Variants in NAV2 observed in about 807,000 individuals in gnomAD.
The protein encoded by NAV2 is neuron navigator 2, also known as helicase, APC down-regulated 1.
Under a neutral mutation model 223.2 loss-of-function variants are expected in NAV2, and 54 were observed. The observed-to-expected ratio is 0.24, with a 90% CI of 0.19 to 0.30. The LOEUF is 0.30. NAV2 is among the 10% of genes least tolerant of loss of function. The pLI is 1.00. For missense variants in NAV2, 2,806 were observed against 3,147.5 expected (o/e 0.89, Z 2.60); for synonymous variants, 1,279 against 1,239.3 (o/e 1.03, Z -0.67).
At chr11:19,551,013 C>G (rs1305137119) in intron 1 of NAV2, among the ~76,000 whole-genome samples, 3 of 152,268 alleles carry the variant, frequency 2.0e-5, no homozygotes, top group Admixed American at 2.0e-4. Context: ...CTACTCTCAG[C>G]ACACTGCCTA....
At chr11:19,480,218 G>A (rs1265919318) in intron 1 of NAV2, among the ~76,000 whole-genome samples, 2 of 152,202 alleles carry the variant, frequency 1.3e-5, no homozygotes, top group South Asian at 2.1e-4. Context: ...CTGCTAATAT[G>A]TACTCTGAGA....
At position 20,120,503 on chromosome 11, in the gene NAV2, T is replaced by A. The variant is rs1468668480; in HGVS notation, c.*2245T>A. 6.5e-6 allele frequency: 1 copy of A among 152,674 alleles called. No homozygotes were observed. 9.5% of individuals were successfully genotyped at this position (152,674 alleles called of 1,614,324 possible). A position where few individuals can be genotyped will look rare whatever the true frequency, so the allele number is the denominator to read the frequency against. On this transcript the variant is annotated 3_prime_UTR_variant, in exon 38 of 38. Transcript: ENST00000349880. ...CAATGACCCTACTACACTCGCGTACTGTGAATTTGGGAGGAGGTAAAGTTG... is the reference window on the plus strand; with the variant it reads ...CAATGACCCTACTACACTCGCGTACAGTGAATTTGGGAGGAGGTAAAGTTG...
chr11:20,017,883 A>G (rs1471575230), intron 11 of NAV2, among the ~76,000 whole-genome samples: 1 of 152,202 alleles, frequency 6.6e-6, no homozygotes, highest in Non-Finnish European at 1.5e-5. Context: ...TGTCCCATAC[A>G]CACAGATCCT....
chr11:19,673,375 C>T (rs1406449166), intron 1 of NAV2, among the ~76,000 whole-genome samples: 2 of 152,166 alleles, frequency 1.3e-5, no homozygotes, highest in Non-Finnish European at 2.9e-5. Flanking sequence ...CTATTATTAT[C>T]ATCATTTGAC....
At chr11:19,628,836 C>T (rs528254913) in intron 1 of NAV2, among the ~76,000 whole-genome samples, 14 of 152,142 alleles carry the variant, frequency 9.2e-5, no homozygotes, top group Non-Finnish European at 1.9e-4. Context: ...CATTGATTAC[C>T]ATCATATCCA....
At chr11:19,925,213 C>G (rs552552023) in intron 6 of NAV2, among the ~76,000 whole-genome samples, 8 of 152,174 alleles carry the variant, frequency 5.3e-5, no homozygotes, top group African/African-American at 1.9e-4. Context: ...ATATTCCATC[C>G]GGTTCTGTAG....
At position 20,103,246 on chromosome 11, in the gene NAV2, C is replaced by G; in HGVS notation, c.6418-9C>G. ...ACTTGTTCTCCTTCGGCCTTCCTGG[C>G]CACCATAGGAATTGCGCCAGTACCT... On this transcript the variant is annotated splice_polypyrimidine_tract_variant and intron_variant, in intron 32 of 37. Transcript: ENST00000349880. The G allele has an allele frequency of 6.2e-7, 1 of 1,607,944 alleles. No individual in the cohort carries two copies. The highest frequency in any genetic ancestry group is 8.5e-7 in the Non-Finnish European group (1 of 1,176,556).
intron 4 of NAV2, among the ~76,000 whole-genome samples, chr11:19,879,373 T>TG (rs371711232): frequency 1.6e-3 from 246 of 152,230 alleles, no homozygotes; most frequent in African/African-American, 5.4e-3. Flanking sequence ...GTTCAGCAGA[T>TG]GGGGGACACA....
intron 1 of NAV2, among the ~76,000 whole-genome samples, chr11:19,507,903 A>G (rs2043170811): frequency 6.6e-6 from 1 of 152,170 alleles, no homozygotes; most frequent in South Asian, 2.1e-4. Context: ...AGTAAATGAC[A>G]ATGTCAGGAT....
At chr11:19,461,279 T>C (rs181702563) in intron 1 of NAV2, among the ~76,000 whole-genome samples, 1 of 152,262 alleles carries the variant, frequency 6.6e-6, no homozygotes, top group East Asian at 1.9e-4. Flanking sequence ...CCTGGTCCAT[T>C]GCCAACACTC....
At chr11:20,023,349 C>T (rs956175610) in intron 11 of NAV2, among the ~76,000 whole-genome samples, 3 of 152,088 alleles carry the variant, frequency 2.0e-5, no homozygotes, top group African/African-American at 7.2e-5. Flanking sequence ...CTTCCGCCCC[C>T]ATTGATTCTA....
At chr11:19,359,480 G>A (rs1249459267) in intron 1 of NAV2, among the ~76,000 whole-genome samples, 2 of 152,156 alleles carry the variant, frequency 1.3e-5, no homozygotes, top group Non-Finnish European at 2.9e-5. Context: ...TACCCAAAAG[G>A]GGATGTACTG....
chr11:20,027,400 G>C (rs1439047945), intron 11 of NAV2: 2 of 945,210 alleles, frequency 2.1e-6, no homozygotes, highest in Non-Finnish European at 2.5e-6. Flanking sequence ...CTGTCTGGCG[G>C]GGGGCATGGG....
intron 11 of NAV2, among the ~76,000 whole-genome samples, chr11:20,029,983 A>G (rs1359957361): frequency 6.6e-6 from 1 of 152,224 alleles, no homozygotes; most frequent in Non-Finnish European, 1.5e-5. Context: ...TAGATGTTTC[A>G]GCCAAAGAAG....
At chr11:19,438,725 T>C (rs1174783242) in intron 1 of NAV2, among the ~76,000 whole-genome samples, 2 of 152,170 alleles carry the variant, frequency 1.3e-5, no homozygotes, top group Non-Finnish European at 2.9e-5. Context: ...TTATAAACGG[T>C]ACAGATTAGT....
At chr11:19,867,644 G>A in intron 3 of NAV2, among the ~76,000 whole-genome samples, 1 of 152,090 alleles carries the variant, frequency 6.6e-6, no homozygotes, top group East Asian at 1.9e-4. Context: ...ACCTTGAAGT[G>A]TGAGATGGAG....
At chr11:20,073,068 G>C (rs1191328004) in intron 22 of NAV2, among the ~76,000 whole-genome samples, 1 of 152,106 alleles carries the variant, frequency 6.6e-6, no homozygotes, top group East Asian at 1.9e-4. Context: ...TATTGGCTGT[G>C]GGTTTGTCAT....
intron 1 of NAV2, among the ~76,000 whole-genome samples, chr11:19,502,253 C>A (rs574705828): frequency 4.9e-4 from 74 of 152,170 alleles, no homozygotes; most frequent in Non-Finnish European, 9.4e-4. Context: ...TGACCTTTGG[C>A]AAATTACTTA....
chr11:19,885,704 C>T (rs989220403), intron 5 of NAV2, among the ~76,000 whole-genome samples: 22 of 152,242 alleles, frequency 1.4e-4, no homozygotes, highest in Middle Eastern at 3.4e-3. Context: ...TGCTTTTTGG[C>T]TTTGTATAAT....
Sources: gnomAD v4.1 joint callset for allele counts (sites outside exome capture counted in the v4.1 genomes callset) on GRCh38, gnomAD v4.1.1 for gene constraint, MANE v1.5 for transcripts, NCBI Gene and HGNC (gene_info 2026-07-23, HGNC 2026-07-21) for gene names.